Variants in RGS6 observed in about 807,000 individuals in gnomAD.
RGS6 encodes regulator of G protein signaling 6.
In RGS6, 30 loss-of-function variants were observed where a neutral mutation model predicts 78.5. That is an observed-to-expected ratio of 0.38 (90% CI 0.29 to 0.52). RGS6 has a LOEUF of 0.52. Among genes scored for constraint, RGS6 ranks in the 20% least tolerant of loss-of-function variants. The pLI, the probability that RGS6 is intolerant of heterozygous loss-of-function variation, is 0.85. For synonymous variants in RGS6, 206 were observed against 206.0 expected (o/e 1.00, Z 0.00); for missense variants, 495 against 609.7 (o/e 0.81, Z 1.98).
At chr14:72,299,015 C>G (rs2065485869) in intron 2 of RGS6, among the ~76,000 whole-genome samples, 1 of 152,060 alleles carries the variant, frequency 6.6e-6, no homozygotes, top group South Asian at 2.1e-4. Flanking sequence ...TCTTTTCAGT[C>G]TTTGAAGGAA....
At chr14:72,462,193 C>T (rs563345505) in intron 6 of RGS6, among the ~76,000 whole-genome samples, 41 of 152,284 alleles carry the variant, frequency 2.7e-4, no homozygotes, top group African/African-American at 8.9e-4. Context: ...CAGCCTTTCC[C>T]CGCAAGCATT....
Position 72,359,128 on chromosome 14 carries a change from C to A in RGS6, c.184+6934C>A, listed in dbSNP as rs1596245094. Among the ~76,000 whole-genome samples, 4 of 152,190 alleles carry A rather than the reference C, an allele frequency of 2.6e-5. No individual in the cohort carries two copies. The South Asian group carries it at 8.3e-4, about 31-fold the overall frequency. On this transcript the variant is annotated intron_variant, in intron 3 of 17. Transcript: ENST00000553525. Reference sequence around the variant, plus strand: ...TGCCATGATTGTAAGTTTACTGAGGCCTTTCCAGCCATGCTGTACTGTCTG... The same window carrying A: ...TGCCATGATTGTAAGTTTACTGAGGACTTTCCAGCCATGCTGTACTGTCTG...
chr14:72,229,835 AT>A lies in RGS6; in HGVS notation c.85-122259del, dbSNP rs1265551544. 3.3e-5 allele frequency among the ~76,000 whole-genome samples: 5 copies of A among 152,322 alleles called. No individual in the cohort carries two copies. The East Asian group carries it at 7.7e-4, about 24-fold the overall frequency. On this transcript the variant is annotated intron_variant, in intron 2 of 17. Transcript: ENST00000553525. ...CCTCATGCTCTTCATGGTGTGGTTT[AT>A]ATGGCCATTGGCAGATCTGGAGATA...
intron 2 of RGS6, among the ~76,000 whole-genome samples, chr14:72,133,036 G>C (rs908371843): frequency 3.9e-5 from 6 of 152,070 alleles, no homozygotes; most frequent in Non-Finnish European, 5.9e-5. Context: ...AAATGCACTG[G>C]GATGACTTCC....
At chr14:71,967,420 G>A (rs545432218) in intron 2 of RGS6, among the ~76,000 whole-genome samples, 149 of 152,066 alleles carry the variant, frequency 9.8e-4, no homozygotes, top group Middle Eastern at 6.8e-3. Flanking sequence ...GCTGCCTTTT[G>A]GCTACAACCA....
At chr14:72,484,447 C>A (rs985696021) in intron 12 of RGS6, among the ~76,000 whole-genome samples, 2 of 152,178 alleles carry the variant, frequency 1.3e-5, no homozygotes, top group African/African-American at 4.8e-5. Flanking sequence ...GTGTCCTTAG[C>A]TCTAGGGATT....
intron 2 of RGS6, among the ~76,000 whole-genome samples, chr14:72,016,456 C>T (rs932054829): frequency 1.3e-5 from 2 of 152,106 alleles, no homozygotes; most frequent in Admixed American, 6.5e-5. Flanking sequence ...AGTGCTGCCT[C>T]GCGGGTTCAC....
chr14:72,145,880 G>C (rs1357932029), intron 2 of RGS6, among the ~76,000 whole-genome samples: 1 of 152,166 alleles, frequency 6.6e-6, no homozygotes, highest in Non-Finnish European at 1.5e-5. Context: ...GGGATAAAGG[G>C]CTCCCCTGTG....
chr14:72,035,080 T>C (rs970221001), intron 2 of RGS6, among the ~76,000 whole-genome samples: 1 of 152,110 alleles, frequency 6.6e-6, no homozygotes, highest in Non-Finnish European at 1.5e-5. Context: ...CATTACTGTA[T>C]AGGAAAATAC....
At chr14:72,496,223 G>C (rs2096643182) in intron 13 of RGS6, among the ~76,000 whole-genome samples, 1 of 69,926 alleles carries the variant, frequency 1.4e-5, no homozygotes, top group Non-Finnish European at 2.5e-5. Flanking sequence ...CTAATGCTGT[G>C]GTTCCCAGAG....
intron 15 of RGS6, among the ~76,000 whole-genome samples, chr14:72,522,394 A>G (rs904995006): frequency 6.6e-6 from 1 of 152,248 alleles, no homozygotes; most frequent in Non-Finnish European, 1.5e-5. Context: ...CACAACATTC[A>G]TTCCACAACA....
At chr14:71,884,765 T>C in the RGS6 span, among the ~76,000 whole-genome samples, 2 of 152,206 alleles carry the variant, frequency 1.3e-5, no homozygotes, top group Admixed American at 1.3e-4. Flanking sequence ...ACTAAGAGAA[T>C]TGATGTCTGG....
At chr14:72,460,385 C>T (rs1361559396) in intron 6 of RGS6, among the ~76,000 whole-genome samples, 1 of 152,232 alleles carries the variant, frequency 6.6e-6, no homozygotes. Context: ...CTGAATGCTC[C>T]CTTGATTATA....
intron 2 of RGS6, among the ~76,000 whole-genome samples, chr14:72,143,624 A>G (rs2153617636): frequency 6.6e-6 from 1 of 152,174 alleles, no homozygotes; most frequent in East Asian, 1.9e-4. Flanking sequence ...AGGCAAAATT[A>G]GTGGACACTT....
At chr14:72,086,485 C>G (rs1200999345) in intron 2 of RGS6, among the ~76,000 whole-genome samples, 3 of 152,068 alleles carry the variant, frequency 2.0e-5, no homozygotes, top group African/African-American at 7.2e-5. Flanking sequence ...TGATATTTTG[C>G]TTTTTTATAA....
chr14:72,474,689 A>G lies in RGS6; in HGVS notation c.683A>G (p.Lys228Arg). The change falls in exon 10 of 18, where the codon AAG becomes AGG. Residue 228 changes from lysine to arginine, a missense_variant. Lys to Arg is a conservative substitution (Grantham distance 26). Transcript: ENST00000553525. The stretch of plus-strand genomic sequence containing the variant: ...TGTCGACGTTTGAAGAATCCACAAA[A>G]GGTTAAAAAGGTTCGCTAGTTTAGC... ...RKCRRLKNPQ[K>R]VKKSVYGVTE... is the part of the protein sequence containing the mutation. The G allele has an allele frequency of 6.2e-7, 1 of 1,613,908 alleles. No homozygotes were observed. The highest frequency in any genetic ancestry group is 8.5e-7 in the Non-Finnish European group (1 of 1,179,908).
the RGS6 span, among the ~76,000 whole-genome samples, chr14:71,885,478 T>C: frequency 4.2e-4 from 64 of 152,194 alleles, no homozygotes; most frequent in Non-Finnish European, 5.6e-4. Flanking sequence ...GGAGAGCCAA[T>C]TCTCAAAGGG....
intron 2 of RGS6, among the ~76,000 whole-genome samples, chr14:72,014,847 C>T (rs571264471): frequency 2.0e-5 from 3 of 152,276 alleles, no homozygotes; most frequent in African/African-American, 7.2e-5. Flanking sequence ...ACCCGTCTGC[C>T]TTCTCCCCTT....
intron 2 of RGS6, among the ~76,000 whole-genome samples, chr14:72,254,614 T>G (rs528413305): frequency 6.6e-6 from 1 of 152,156 alleles, no homozygotes; most frequent in Non-Finnish European, 1.5e-5. Flanking sequence ...CTGCAGCTAC[T>G]CTGATCACCA....
Sources: allele counts gnomAD v4.1 joint callset (sites outside exome capture counted in the v4.1 genomes callset), GRCh38; gene constraint gnomAD v4.1.1; transcripts MANE v1.5; gene names NCBI Gene and HGNC (gene_info 2026-07-23, HGNC 2026-07-21).